Variants in NAA15 observed in about 807,000 individuals in gnomAD.
The protein encoded by NAA15 is N-alpha-acetyltransferase 15, NatA auxiliary subunit, also known as N-terminal acetyltransferase.
In NAA15, 34 loss-of-function variants were observed where a neutral mutation model predicts 114.0. That is an observed-to-expected ratio of 0.30 (90% CI 0.23 to 0.40). NAA15 has a LOEUF of 0.40. Among genes scored for constraint, NAA15 ranks in the 10% least tolerant of loss-of-function variants. The probability of loss-of-function intolerance (pLI) is 1.00; values close to 1 mark genes in which losing one functional copy is unlikely to be tolerated. For missense variants in NAA15, 658 were observed against 1,004.5 expected (o/e 0.66, Z 4.66); for synonymous variants, 340 against 338.0 (o/e 1.01, Z -0.06).
Position 139,351,205 on chromosome 4 carries a change from C to T in NAA15, c.826C>T (p.Arg276Trp), listed in dbSNP as rs766494727. 3.7e-5 allele frequency: 59 copies of T among 1,593,454 alleles called. No homozygotes were observed. Among genetic ancestry groups the T allele is most frequent in the East Asian group, 6.7e-5 (3 of 44,600 alleles). ...KALKPANMLE[R>W]LKIYEEAWTK... The stretch of plus-strand genomic sequence containing the variant: ...TTTGTTTGCAGCTAATATGTTAGAA[C>T]GGCTAAAAATTTATGAGGAAGCCTG... Residue 276 changes from arginine to tryptophan, a missense_variant, in exon 8 of 20, where the codon CGG (arginine) becomes TGG (tryptophan). Transcript: ENST00000296543.
intron 14 of NAA15, among the ~76,000 whole-genome samples, chr4:139,364,031 C>A (rs888396091): frequency 6.6e-6 from 1 of 152,156 alleles, no homozygotes; most frequent in African/African-American, 2.4e-5. Context: ...CAGGTGCGTG[C>A]CACTGCACCC....
chr4:139,345,340 A>G (rs983258057), intron 6 of NAA15, among the ~76,000 whole-genome samples: 2 of 152,246 alleles, frequency 1.3e-5, no homozygotes, highest in South Asian at 2.1e-4. Flanking sequence ...TGCTGGAAAG[A>G]TGGCAAGTCT....
At chr4:139,352,038 T>A (rs1747796255) in intron 9 of NAA15, among the ~76,000 whole-genome samples, 1 of 152,180 alleles carries the variant, frequency 6.6e-6, no homozygotes, top group African/African-American at 2.4e-5. Context: ...TTTTTGATGT[T>A]CTAATAAGTC....
intron 6 of NAA15, among the ~76,000 whole-genome samples, chr4:139,347,680 A>G (rs1303535429): frequency 1.3e-5 from 2 of 152,204 alleles, no homozygotes; most frequent in African/African-American, 4.8e-5. Flanking sequence ...GTGCTCTTTC[A>G]GATAAATTGC....
intron 14 of NAA15, among the ~76,000 whole-genome samples, chr4:139,363,088 A>C (rs990720885): frequency 1.3e-5 from 2 of 152,158 alleles, no homozygotes; most frequent in African/African-American, 4.8e-5. Context: ...ATCTCTTTCT[A>C]CCTGTTGGTG....
At chr4:139,348,455 A>C (rs1219558264) in intron 6 of NAA15, among the ~76,000 whole-genome samples, 3 of 145,246 alleles carry the variant, frequency 2.1e-5, no homozygotes, top group East Asian at 2.4e-4. Context: ...TGTATCACAA[A>C]AAAAAAAAAA....
chr4:139,383,587 C>G (rs1579140772), intron 17 of NAA15, among the ~76,000 whole-genome samples: 1 of 152,350 alleles, frequency 6.6e-6, no homozygotes, highest in Admixed American at 6.5e-5. Flanking sequence ...TCTCCTGCCT[C>G]AGCCTCCTGA....
intron 1 of NAA15, among the ~76,000 whole-genome samples, chr4:139,331,925 C>T (rs887707711): frequency 1.3e-5 from 2 of 152,014 alleles, no homozygotes; most frequent in African/African-American, 4.8e-5. Flanking sequence ...GACTGGTTTT[C>T]TGTAGACCTA....
At chr4:139,378,593 A>C (rs1326966427) in intron 16 of NAA15, among the ~76,000 whole-genome samples, 163 bp from the exon 17 acceptor site, 1 of 152,176 alleles carries the variant, frequency 6.6e-6, no homozygotes, top group East Asian at 1.9e-4. Flanking sequence ...AAAAATATTA[A>C]CTAATGTTGC....
In NAA15 at chr4:139,353,434, G is replaced by A. The variant is rs962725405; in HGVS notation, c.1015-592G>A. ...TAGTAATAGAAATCCCTTAAACATG[G>A]ATTAAACAAAGAACAGAAGTAGTAA... On this transcript the variant is annotated intron_variant, in intron 9 of 19. Coordinates refer to ENST00000296543, the MANE Select transcript of NAA15 (RefSeq NM_057175.5). Among the ~76,000 whole-genome samples the A allele has an allele frequency of 2.6e-5, 4 of 152,086 alleles. No homozygotes were observed. In the East Asian group the frequency reaches 7.7e-4, roughly 29 times the overall value.
At chr4:139,363,050 C>T (rs965229070) in intron 14 of NAA15, among the ~76,000 whole-genome samples, 2 of 152,196 alleles carry the variant, frequency 1.3e-5, no homozygotes, top group Non-Finnish European at 2.9e-5. Flanking sequence ...AGGTCACATA[C>T]TGAAGCCTTT....
intron 3 of NAA15, among the ~76,000 whole-genome samples, chr4:139,340,702 G>C (rs1419606829): frequency 6.6e-6 from 1 of 152,160 alleles, no homozygotes; most frequent in Non-Finnish European, 1.5e-5. Context: ...GATAAGGTAG[G>C]CAAGACCTAA....
chr4:139,383,561 C>G (rs1002506454), intron 17 of NAA15, among the ~76,000 whole-genome samples: 1 of 152,202 alleles, frequency 6.6e-6, no homozygotes, highest in Non-Finnish European at 1.5e-5. Flanking sequence ...ACCTCCACCT[C>G]CCAGGTTCAA....
intron 17 of NAA15, among the ~76,000 whole-genome samples, chr4:139,383,146 C>T (rs971076856): frequency 9.9e-5 from 15 of 152,244 alleles, no homozygotes; most frequent in East Asian, 1.9e-4. Flanking sequence ...GGAAAATCTA[C>T]GTAATGTTTT....
In NAA15 at chr4:139,378,749, T is replaced by A. The variant is rs778051902; in HGVS notation, c.2057-7T>A. The A allele has an allele frequency of 6.5e-7, 1 of 1,535,240 alleles. No homozygotes were observed. The highest frequency in any genetic ancestry group is 1.2e-5 in the South Asian group (1 of 81,052). On this transcript the variant is annotated splice_region_variant and splice_polypyrimidine_tract_variant and intron_variant, in intron 16 of 19. Coordinates refer to ENST00000296543, the MANE Select transcript of NAA15 (RefSeq NM_057175.5). ...ATCAAAATATATCTTACTTTCTCTT[T>A]TTATAGAAAAGTTTCTTTTGATGCT...
intron 16 of NAA15, among the ~76,000 whole-genome samples, chr4:139,377,928 C>G (rs1748636504): frequency 6.6e-6 from 1 of 152,132 alleles, no homozygotes. Context: ...ATCTAAAGCC[C>G]CATTCAGTTT....
rs578082195 is a variant in NAA15 at position 139,313,620 on chromosome 4, C to T, written c.54+11789C>T. ...GTAGTGGCCGCGTGATCTTGGCTCACTGCAACCTCCGCCTCCCTGGTTCAA... is the reference window on the plus strand; with the variant it reads ...GTAGTGGCCGCGTGATCTTGGCTCATTGCAACCTCCGCCTCCCTGGTTCAA... On this transcript the variant is annotated intron_variant, in intron 1 of 19. Transcript: ENST00000296543. Among the ~76,000 whole-genome samples, 24 of 151,232 alleles carry T rather than the reference C, an allele frequency of 1.6e-4. 1 individual carries two copies. The South Asian group carries it at 4.8e-3, about 30-fold the overall frequency.
intron 1 of NAA15, among the ~76,000 whole-genome samples, chr4:139,316,039 A>G (rs905621053): frequency 6.6e-6 from 1 of 151,388 alleles, no homozygotes; most frequent in Non-Finnish European, 1.5e-5. Flanking sequence ...AGAGTATGTC[A>G]TTTTACATAC....
intron 1 of NAA15, chr4:139,302,175 C>A: frequency 3.7e-6 from 1 of 270,384 alleles, no homozygotes; most frequent in Non-Finnish European, 7.0e-6. Flanking sequence ...GCAGGAGTCG[C>A]GGCCCGGTTG....
Sources: allele counts gnomAD v4.1 joint callset (sites outside exome capture counted in the v4.1 genomes callset), GRCh38; gene constraint gnomAD v4.1.1; transcripts MANE v1.5; gene names NCBI Gene and HGNC (gene_info 2026-07-23, HGNC 2026-07-21).